The following HTR4 variants were observed in gnomAD, a reference collection of about 807,000 sequenced individuals.
HTR4 encodes the protein 5-hydroxytryptamine (serotonin) receptor 4, G protein-coupled.
HTR4 carries 16 observed loss-of-function variants against 36.8 expected under a neutral mutation model. The ratio of observed to expected loss-of-function variants is 0.43; its 90% CI spans 0.29 to 0.66. The LOEUF is 0.66. Ranked by LOEUF, HTR4 falls within the 30% of genes least tolerant of loss-of-function variation. The pLI is 0.13. For missense variants in HTR4, 438 were observed against 490.9 expected, an observed-to-expected ratio of 0.89 and a Z score of 1.02; for synonymous variants, 189 against 185.1, an observed-to-expected ratio of 1.02 and a Z score of -0.17.
chr5:148,530,892 AG>A (rs1420428431), intron 4 of HTR4, among the ~76,000 whole-genome samples: 5 of 152,230 alleles, frequency 3.3e-5, no homozygotes, highest in African/African-American at 4.8e-5. Flanking sequence ...ATGGATTCAA[AG>A]GAGATCATTT....
At chr5:148,573,371 G>A (rs1760756871) in intron 2 of HTR4, among the ~76,000 whole-genome samples, 1 of 152,008 alleles carries the variant, frequency 6.6e-6, no homozygotes, top group Admixed American at 6.6e-5. Context: ...TTCACTCACT[G>A]TACATGTCTG....
At chr5:148,484,372 A>G (rs1485103144) in intron 6 of HTR4, 5 of 1,611,498 alleles carry the variant, frequency 3.1e-6, no homozygotes, top group Non-Finnish European at 4.2e-6. Flanking sequence ...TCAAACAGAA[A>G]ATCTGTCCTA....
chr5:148,619,074 G>A (rs1752814108), intron 2 of HTR4, among the ~76,000 whole-genome samples: 1 of 152,078 alleles, frequency 6.6e-6, no homozygotes, highest in African/African-American at 2.4e-5. Flanking sequence ...AAGAATTGAG[G>A]GAGGAAAGAA....
intron 6 of HTR4, among the ~76,000 whole-genome samples, chr5:148,503,665 G>A (rs1757043807): frequency 6.6e-6 from 1 of 152,100 alleles, no homozygotes; most frequent in African/African-American, 2.4e-5. Context: ...ATGTAAATCG[G>A]CTAAATGCGC....
intron 5 of HTR4, chr5:148,465,829 AACAG>A: frequency 1.9e-6 from 3 of 1,603,710 alleles, no homozygotes; most frequent in Non-Finnish European, 2.5e-6. Flanking sequence ...ACAGACTCAC[AACAG>A]ACAGTGACAG....
At chr5:148,518,251 T>C (rs2113788035) in intron 5 of HTR4, among the ~76,000 whole-genome samples, 1 of 152,296 alleles carries the variant, frequency 6.6e-6, no homozygotes, top group South Asian at 2.1e-4. Flanking sequence ...CCTCTACTTA[T>C]TTTCATCTCA....
intron 1 of HTR4, chr5:148,645,737 T>C (rs1753862057): frequency 6.6e-6 from 1 of 152,294 alleles, no homozygotes; most frequent in East Asian, 1.9e-4. Context: ...TAACCAGCTG[T>C]TGTAATAAGG....
intron 2 of HTR4, among the ~76,000 whole-genome samples, chr5:148,562,219 A>G (rs1760244333): frequency 6.6e-6 from 1 of 152,218 alleles, no homozygotes; most frequent in Non-Finnish European, 1.5e-5. Flanking sequence ...CTGAGTAATT[A>G]CGAGAGAGAT....
intron 5 of HTR4, among the ~76,000 whole-genome samples, chr5:148,515,457 T>C (rs1235896611): frequency 6.6e-5 from 10 of 152,220 alleles, no homozygotes; most frequent in Admixed American, 5.2e-4. Flanking sequence ...GGTGTTTCAA[T>C]CTGGGATTAT....
chr5:148,612,806 G>C (rs1752495629), intron 2 of HTR4, among the ~76,000 whole-genome samples: 1 of 141,890 alleles, frequency 7.0e-6, no homozygotes, highest in South Asian at 2.4e-4. Flanking sequence ...GAAAAAAAGA[G>C]AGAAGAATCA....
chr5:148,629,046 C>T (rs1247287609), intron 2 of HTR4: 1 of 152,006 alleles, frequency 6.6e-6, no homozygotes, highest in Non-Finnish European at 1.5e-5. Flanking sequence ...TTTGCATCCG[C>T]TGATTTGCAC....
At chr5:148,652,464 G>C (rs1460008473) in intron 1 of HTR4, among the ~76,000 whole-genome samples, 2 of 152,146 alleles carry the variant, frequency 1.3e-5, no homozygotes, top group East Asian at 3.8e-4. Context: ...GTTGGGGAAG[G>C]AGATGAGGAG....
At chr5:148,475,081 T>C (rs1184497248), downstream of HTR4, among the ~76,000 whole-genome samples, 1 of 152,076 alleles carries the variant, frequency 6.6e-6, no homozygotes, top group Non-Finnish European at 1.5e-5. Flanking sequence ...CTCATTTTAC[T>C]TACCCATAAA....
rs865943779 is a variant in HTR4, at chr5:148,490,772, C to A, written c.1077-7479G>T. 2.2e-5 allele frequency: 25 copies of A among 1,161,448 alleles called. 1 individual carries two copies. In the Middle Eastern group the frequency reaches 1.6e-3, roughly 73 times the overall value. 71.9% of individuals were successfully genotyped at this position (1,161,448 alleles called of 1,614,324 possible). On this transcript the variant is annotated intron_variant, in intron 6 of 6. Transcript: ENST00000377888. ...TGTGCTGAAATACATGTTCTTATAACCTCAATCCTTTGTTTCTTACCTCTC... is the reference window on the plus strand; with the variant it reads ...TGTGCTGAAATACATGTTCTTATAAACTCAATCCTTTGTTTCTTACCTCTC...
intron 1 of HTR4, among the ~76,000 whole-genome samples, chr5:148,641,927 C>G (rs1405049109): frequency 6.6e-6 from 1 of 152,150 alleles, no homozygotes; most frequent in Non-Finnish European, 1.5e-5. Context: ...TGAATAGTCC[C>G]CACCTACTGG....
chr5:148,610,931 T>C (rs1194079300), intron 2 of HTR4, among the ~76,000 whole-genome samples: 1 of 149,986 alleles, frequency 6.7e-6, no homozygotes, highest in Non-Finnish European at 1.5e-5. Context: ...GTATCAGCAA[T>C]GGAAGATGAA....
chr5:148,462,861 A>AG, intron 5 of HTR4, among the ~76,000 whole-genome samples: 2 of 152,330 alleles, frequency 1.3e-5, no homozygotes, highest in East Asian at 3.9e-4. Context: ...CAACTTTTGA[A>AG]AATCAATTAA....
chr5:148,508,851 T>A (rs140916402), intron 6 of HTR4, among the ~76,000 whole-genome samples: 27 of 152,276 alleles, frequency 1.8e-4, no homozygotes, highest in East Asian at 1.2e-3. Context: ...CTGTATGTCA[T>A]GCCCTATATG....
At chr5:148,596,252 C>CCTT (rs1239800249) in intron 2 of HTR4, among the ~76,000 whole-genome samples, 7 of 152,242 alleles carry the variant, frequency 4.6e-5, no homozygotes, top group Non-Finnish European at 4.4e-5. Context: ...CTGAATGTGT[C>CCTT]CAGGAAATCT....
Sources: gnomAD v4.1 joint callset for allele counts (sites outside exome capture counted in the v4.1 genomes callset) on GRCh38, gnomAD v4.1.1 for gene constraint, MANE v1.5 for transcripts, NCBI Gene and HGNC (gene_info 2026-07-23, HGNC 2026-07-21) for gene names.